The following RSPO3 variants were observed in gnomAD, a reference collection of about 807,000 sequenced individuals.
RSPO3 encodes the protein R-spondin-3.
Under a neutral mutation model 36.5 loss-of-function variants are expected in RSPO3, and 17 were observed. That is an observed-to-expected ratio of 0.47 (90% CI 0.32 to 0.70). The LOEUF (loss-of-function observed/expected upper bound fraction) is 0.70. Ranked by LOEUF, RSPO3 falls within the 30% of genes least tolerant of loss-of-function variation. RSPO3 has a pLI of 0.04. For missense variants in RSPO3, 294 were observed against 322.5 expected (o/e 0.91, Z 0.68); for synonymous variants, 108 against 107.0 (o/e 1.01, Z -0.06).
chr6:127,147,896 T>C (rs1040014762), intron 1 of RSPO3, among the ~76,000 whole-genome samples: 8 of 152,094 alleles, frequency 5.3e-5, no homozygotes, highest in Non-Finnish European at 1.2e-4. Context: ...TAAATTACCA[T>C]AAGTAGTCAT....
intron 4 of RSPO3, among the ~76,000 whole-genome samples, chr6:127,167,400 G>C (rs917694580): frequency 2.0e-5 from 3 of 151,926 alleles, no homozygotes; most frequent in Non-Finnish European, 4.4e-5. Flanking sequence ...GTGTTAGTTT[G>C]CTGAGGATAA....
At chr6:127,129,083 C>T (rs1773999251) in intron 1 of RSPO3, among the ~76,000 whole-genome samples, 2 of 152,086 alleles carry the variant, frequency 1.3e-5, no homozygotes, top group Admixed American at 6.5e-5. Flanking sequence ...AAATACCTAA[C>T]GAGAAATAAA....
chr6:127,128,499 T>A (rs1773986847), intron 1 of RSPO3, among the ~76,000 whole-genome samples: 2 of 152,158 alleles, frequency 1.3e-5, no homozygotes, highest in South Asian at 4.1e-4. Flanking sequence ...GACTGAGAAA[T>A]ATTGTAAGAG....
At chr6:127,169,473 C>T (rs958351019) in intron 4 of RSPO3, among the ~76,000 whole-genome samples, 1 of 151,810 alleles carries the variant, frequency 6.6e-6, no homozygotes, top group African/African-American at 2.4e-5. Flanking sequence ...TCTGCCTGTG[C>T]TGATGTAATT....
intron 3 of RSPO3, 147 bp from the exon 4 acceptor site, chr6:127,155,094 T>C: frequency 1.4e-6 from 1 of 738,468 alleles, no homozygotes; most frequent in South Asian, 1.7e-5. Context: ...TTCTCCTGTT[T>C]TATATTTAAG....
chr6:127,126,313 T>C (rs974563624), intron 1 of RSPO3, among the ~76,000 whole-genome samples: 6 of 152,092 alleles, frequency 3.9e-5, no homozygotes, highest in Non-Finnish European at 8.8e-5. Flanking sequence ...GTGTGTGCTC[T>C]CCTACTGATA....
At chr6:127,182,326 AG>A (rs1468851773) in intron 4 of RSPO3, among the ~76,000 whole-genome samples, 4 of 151,940 alleles carry the variant, frequency 2.6e-5, no homozygotes, top group Non-Finnish European at 4.4e-5. Flanking sequence ...TACCTTAACT[AG>A]GTCTTAAGGT....
intron 1 of RSPO3, 104 bp downstream of exon 1, chr6:127,119,393 C>A (rs576090509): frequency 2.6e-5 from 21 of 818,672 alleles, no homozygotes; most frequent in Non-Finnish European, 3.9e-5. Context: ...GTCCTCCCGC[C>A]CTGCGCCTCG....
intron 4 of RSPO3, among the ~76,000 whole-genome samples, chr6:127,189,974 T>C (rs1302037947): frequency 6.6e-6 from 1 of 152,172 alleles, no homozygotes; most frequent in Non-Finnish European, 1.5e-5. Flanking sequence ...TTTTCTATTT[T>C]ATTAAAACAA....
intron 4 of RSPO3, among the ~76,000 whole-genome samples, chr6:127,166,624 C>A (rs1430326559): frequency 9.2e-5 from 14 of 151,982 alleles, no homozygotes; most frequent in African/African-American, 3.4e-4. Context: ...ACAGAGTAAG[C>A]ACTCAATAAT....
chr6:127,153,429 C>T (rs1774529637), intron 3 of RSPO3, among the ~76,000 whole-genome samples: 1 of 151,812 alleles, frequency 6.6e-6, no homozygotes, highest in African/African-American at 2.4e-5. Flanking sequence ...ATAAATTCAC[C>T]TCATTTCATG....
At chr6:127,180,205 A>G (rs1425587624) in intron 4 of RSPO3, among the ~76,000 whole-genome samples, 3 of 151,832 alleles carry the variant, frequency 2.0e-5, no homozygotes, top group African/African-American at 7.2e-5. Flanking sequence ...ATTGAGAAGC[A>G]ACATCAATAA....
At chr6:127,138,377 TG>T (rs2114562144) in intron 1 of RSPO3, among the ~76,000 whole-genome samples, 1 of 152,274 alleles carries the variant, frequency 6.6e-6, no homozygotes, top group African/African-American at 2.4e-5. Context: ...TCTGTGTCTA[TG>T]GTACTTAAAA....
intron 2 of RSPO3, among the ~76,000 whole-genome samples, chr6:127,150,049 T>C (rs940628996): frequency 2.6e-5 from 4 of 152,000 alleles, no homozygotes; most frequent in East Asian, 3.9e-4. Flanking sequence ...TAAGAATCAA[T>C]AGCCCTCAAG....
At chr6:127,173,528 A>T (rs1027577749) in intron 4 of RSPO3, among the ~76,000 whole-genome samples, 1 of 151,898 alleles carries the variant, frequency 6.6e-6, no homozygotes, top group Non-Finnish European at 1.5e-5. Flanking sequence ...TATTGAAGAC[A>T]TAAAGTAAAA....
chr6:127,150,496 A>T lies in RSPO3; in HGVS notation c.360A>T (p.Leu120Phe). 1.2e-6 allele frequency: 2 copies of T among 1,612,660 alleles called. No individual in the cohort carries two copies. Among genetic ancestry groups the T allele is most frequent in the Non-Finnish European group, 1.7e-6 (2 of 1,179,158 alleles). The change falls in exon 3 of 5, where the codon TTA (leucine) becomes TTT (phenylalanine). Residue 120 changes from leucine to phenylalanine, a missense_variant. By Grantham distance (22) the Leu-to-Phe change is conservative. Transcript: ENST00000356698. ...CAAAATGTAAAAGTGGATTTTACTT[A>T]CACCTTGGAAAGTGCCTTGACAATT... Reference protein sequence around the residue: ...FCTKCKSGFYLHLGKCLDNCP... With the variant: ...FCTKCKSGFYFHLGKCLDNCP...
intron 1 of RSPO3, among the ~76,000 whole-genome samples, chr6:127,137,836 G>C (rs559895386): frequency 5.8e-4 from 88 of 152,066 alleles, no homozygotes; most frequent in African/African-American, 2.0e-3. Flanking sequence ...GCGGCAAAAA[G>C]TTTCTAATCT....
At chr6:127,174,692 T>C (rs1775013580) in intron 4 of RSPO3, among the ~76,000 whole-genome samples, 1 of 151,876 alleles carries the variant, frequency 6.6e-6, no homozygotes, top group African/African-American at 2.4e-5. Flanking sequence ...TACACAATTA[T>C]TTAACACTTC....
chr6:127,149,723 A>C (rs1193724768), intron 2 of RSPO3, among the ~76,000 whole-genome samples: 1 of 152,072 alleles, frequency 6.6e-6, no homozygotes, highest in Non-Finnish European at 1.5e-5. Context: ...TTCAAAAAGC[A>C]GTCTGATCTG....
Sources: gnomAD v4.1 joint callset for allele counts (sites outside exome capture counted in the v4.1 genomes callset) on GRCh38, gnomAD v4.1.1 for gene constraint, MANE v1.5 for transcripts, NCBI Gene and HGNC (gene_info 2026-07-23, HGNC 2026-07-21) for gene names.